RBFOX3: variants seen among roughly 807,000 people sequenced by gnomAD.
RBFOX3 encodes the protein RNA binding fox-1 homolog 3, also known as RNA binding protein fox-1 homolog 3.
RBFOX3 carries 17 observed loss-of-function variants against 48.7 expected under a neutral mutation model. That is an observed-to-expected ratio of 0.35 (90% CI 0.24 to 0.52). RBFOX3 has a LOEUF of 0.52. RBFOX3 is among the 20% of genes least tolerant of loss of function. The pLI, the probability that RBFOX3 is intolerant of heterozygous loss-of-function variation, is 0.94. For synonymous variants in RBFOX3, 212 were observed against 209.5 expected, an observed-to-expected ratio of 1.01 and a Z score of -0.10; for missense variants, 382 against 497.5, an observed-to-expected ratio of 0.77 and a Z score of 2.21.
At chr17:79,420,312 C>T (rs1218311443) in intron 2 of RBFOX3, among the ~76,000 whole-genome samples, 1 of 152,218 alleles carries the variant, frequency 6.6e-6, no homozygotes, top group Non-Finnish European at 1.5e-5. Context: ...AATCTACTGC[C>T]ATTTTTAAAA....
the RBFOX3 span, among the ~76,000 whole-genome samples, chr17:79,625,679 C>A: frequency 7.0e-6 from 1 of 142,840 alleles, no homozygotes; most frequent in African/African-American, 2.9e-5. Flanking sequence ...ATAATCCCAG[C>A]TACTCAGGAG....
At chr17:79,624,564 C>T in the RBFOX3 span, among the ~76,000 whole-genome samples, 1,162 of 152,302 alleles carry the variant, frequency 7.6e-3, 54 homozygotes, top group East Asian at 0.15. Context: ...CAAGTCCGAA[C>T]TAAATCCAGA....
chr17:79,625,590 G>A, the RBFOX3 span, among the ~76,000 whole-genome samples: 1 of 152,112 alleles, frequency 6.6e-6, no homozygotes, highest in Non-Finnish European at 1.5e-5. Context: ...TCAGGAATTC[G>A]AGACCAGCCT....
intron 3 of RBFOX3, among the ~76,000 whole-genome samples, chr17:79,237,428 G>T (rs886210270): frequency 6.6e-6 from 1 of 152,160 alleles, no homozygotes; most frequent in South Asian, 2.1e-4. Context: ...AGAAACCAAG[G>T]CCCCAGCTGG....
intron 2 of RBFOX3, among the ~76,000 whole-genome samples, chr17:79,377,402 TAC>T (rs79774406): frequency 2.0e-5 from 3 of 151,566 alleles, no homozygotes; most frequent in Admixed American, 6.6e-5. Flanking sequence ...CACACACTCA[TAC>T]ACACACAGAC....
At chr17:79,109,782 G>C (rs1037731475) in intron 5 of RBFOX3, among the ~76,000 whole-genome samples, 1 of 152,170 alleles carries the variant, frequency 6.6e-6, no homozygotes, top group African/African-American at 2.4e-5. Context: ...GCGATGGTGG[G>C]AACCAGCCCC....
chr17:79,308,474 CCTGCTAGA>C (rs2076379713), intron 2 of RBFOX3, among the ~76,000 whole-genome samples: 1 of 152,152 alleles, frequency 6.6e-6, no homozygotes, highest in Non-Finnish European at 1.5e-5. Flanking sequence ...ACCAGGCCTC[CCTGCTAGA>C]CACTGGGTGG....
intron 2 of RBFOX3, among the ~76,000 whole-genome samples, chr17:79,313,479 C>G (rs559669342): frequency 1.3e-5 from 2 of 152,172 alleles, no homozygotes; most frequent in Non-Finnish European, 2.9e-5. Context: ...TCACCCCAGA[C>G]CCCCCTGCAG....
rs1306605436 is a variant in RBFOX3 at position 79,243,313 on chromosome 17, G to GC, written c.-73-7509dup. On this transcript the variant is annotated intron_variant, in intron 3 of 14. Coordinates refer to ENST00000693108, the MANE Select transcript of RBFOX3 (RefSeq NM_001350451.2). The surrounding 1 kb of genome is among the most constrained non-coding windows in gnomAD (Gnocchi z 7.9). ...AGTGAGCAGGGGGCAAACCAACGTG[G>GC]CCCCAGGAGAAAACCCACTGTACTC... 6.6e-6 allele frequency among the ~76,000 whole-genome samples: 1 copy of GC among 152,112 alleles called. No individual in the cohort carries two copies. Among genetic ancestry groups the GC allele is most frequent in the Non-Finnish European group, 1.5e-5 (1 of 68,012 alleles).
At chr17:79,522,851 A>C (rs1351602848) in intron 1 of RBFOX3, among the ~76,000 whole-genome samples, 6 of 146,208 alleles carry the variant, frequency 4.1e-5, no homozygotes, top group Non-Finnish European at 7.4e-5. Flanking sequence ...AATCGCTTGA[A>C]CCTGGGAGGT....
intron 2 of RBFOX3, among the ~76,000 whole-genome samples, chr17:79,344,484 T>C (rs1181859324): frequency 2.0e-5 from 3 of 152,112 alleles, no homozygotes; most frequent in South Asian, 2.1e-4. Context: ...CCCTTCCTCA[T>C]TGGGCTTCTC....
intron 2 of RBFOX3, among the ~76,000 whole-genome samples, chr17:79,337,711 G>A (rs1189030631): frequency 6.6e-6 from 1 of 152,154 alleles, no homozygotes; most frequent in Non-Finnish European, 1.5e-5. Context: ...GTGAGGCAGA[G>A]GTTGCAGTGA....
upstream of RBFOX3, among the ~76,000 whole-genome samples, chr17:79,614,126 A>T (rs1193845527): frequency 1.3e-5 from 2 of 152,242 alleles, no homozygotes; most frequent in Admixed American, 6.5e-5. Context: ...GAGGCAGGGA[A>T]GGCTGACAAT....
At chr17:79,517,051 C>A (rs1018965223) in intron 1 of RBFOX3, among the ~76,000 whole-genome samples, 2 of 152,028 alleles carry the variant, frequency 1.3e-5, no homozygotes, top group Non-Finnish European at 2.9e-5. Flanking sequence ...TGGATGGTCA[C>A]GATTGCACGG....
intron 4 of RBFOX3, among the ~76,000 whole-genome samples, chr17:79,154,786 G>A (rs1329008596): frequency 6.6e-6 from 1 of 152,216 alleles, no homozygotes; most frequent in Admixed American, 6.5e-5. Context: ...CTGTGGGCAG[G>A]AGGTGCCACT....
At chr17:79,658,234 C>G in the RBFOX3 span, among the ~76,000 whole-genome samples, 1 of 152,026 alleles carries the variant, frequency 6.6e-6, no homozygotes, top group Non-Finnish European at 1.5e-5. Flanking sequence ...CTAATTTAAC[C>G]AAGTGAAATG....
At chr17:79,127,936 T>A (rs1380316536) in intron 4 of RBFOX3, among the ~76,000 whole-genome samples, 2 of 152,252 alleles carry the variant, frequency 1.3e-5, no homozygotes, top group African/African-American at 4.8e-5. Context: ...GTCACGCTGC[T>A]GGTGCGGGCA....
At chr17:79,506,000 G>T (rs1348013128) in intron 1 of RBFOX3, among the ~76,000 whole-genome samples, 16 of 152,212 alleles carry the variant, frequency 1.1e-4, no homozygotes, top group Non-Finnish European at 1.9e-4. Flanking sequence ...AAGCCTGGAC[G>T]CCTCCCCCTT....
chr17:79,628,999 G>A, the RBFOX3 span, among the ~76,000 whole-genome samples: 1 of 152,186 alleles, frequency 6.6e-6, no homozygotes, highest in African/African-American at 2.4e-5. Flanking sequence ...AGCTCATGCA[G>A]GGCCTTTGTT....
Sources: gnomAD v4.1 joint callset for allele counts (sites outside exome capture counted in the v4.1 genomes callset) on GRCh38, gnomAD v4.1.1 for gene constraint, Gnocchi (gnomAD v3.1) non-coding constraint, MANE v1.5 for transcripts, NCBI Gene and HGNC (gene_info 2026-07-23, HGNC 2026-07-21) for gene names.